ATP12A: variants seen among roughly 807,000 people sequenced by gnomAD.
ATP12A encodes ATPase H+/K+ transporting non-gastric alpha2 subunit, also known as potassium-transporting ATPase alpha chain 2.
A neutral mutation model predicts 111.2 loss-of-function variants in ATP12A; 81 were observed. The observed-to-expected ratio is 0.73, with a 90% CI of 0.61 to 0.88. The LOEUF is 0.88. Among genes scored for constraint, ATP12A ranks in the 40% least tolerant of loss-of-function variants. ATP12A has a pLI of 0.00. For synonymous variants in ATP12A, 498 were observed against 499.8 expected, an observed-to-expected ratio of 1.00 and a Z score of 0.05; for missense variants, 1,196 against 1,313.1, an observed-to-expected ratio of 0.91 and a Z score of 1.38.
At position 24,707,343 on chromosome 13, in the gene ATP12A, G is replaced by A. The variant is rs781512455; in HGVS notation, c.2403G>A (p.Glu801=). 2 of 1,614,224 alleles carry A rather than the reference G, an allele frequency of 1.2e-6. No homozygotes were observed. Among genetic ancestry groups the A allele is most frequent in the South Asian group, 2.2e-5 (2 of 91,086 alleles). Residue 801 remains glutamate, a synonymous_variant, in exon 17 of 23, where the codon GAG becomes GAA. Coordinates refer to ENST00000381946, the MANE Select transcript of ATP12A (RefSeq NM_001676.7). ...ATTCCCTGACCAAGAACATTGCCGA[G>A]CTGTGCCCCTTTCTGATCTACATCA... The part of the protein sequence containing the change: ...IAYSLTKNIA[E]LCPFLIYIIV...
chr13:24,684,176 G>A (rs551026298), intron 2 of ATP12A, among the ~76,000 whole-genome samples: 271 of 152,216 alleles, frequency 1.8e-3, no homozygotes, highest in Non-Finnish European at 3.2e-3. Context: ...AACTTAGTGG[G>A]TTGTGCTGTG....
At chr13:24,686,754 G>C (rs1437755875) in intron 3 of ATP12A, among the ~76,000 whole-genome samples, 3 of 146,460 alleles carry the variant, frequency 2.0e-5, no homozygotes, top group African/African-American at 7.7e-5. Context: ...AAGAAGGAAA[G>C]AAAGAAAGAA....
chr13:24,702,248 A>G, intron 14 of ATP12A, among the ~76,000 whole-genome samples, 177 bp downstream of exon 14: 1 of 152,250 alleles, frequency 6.6e-6, no homozygotes, highest in East Asian at 1.9e-4. Flanking sequence ...AGCAGCTAAT[A>G]TGTGCCAGGC....
At chr13:24,711,228 C>A in intron 21 of ATP12A, 90 bp from the exon 22 acceptor site, 1 of 1,232,432 alleles carries the variant, frequency 8.1e-7, no homozygotes, top group Non-Finnish European at 1.1e-6. Context: ...TAAAGCAAGA[C>A]AAATGAACGA....
intron 11 of ATP12A, among the ~76,000 whole-genome samples, chr13:24,697,605 A>C (rs1200859436): frequency 6.7e-6 from 1 of 148,448 alleles, no homozygotes; most frequent in African/African-American, 2.5e-5. Context: ...GTGCCACTGC[A>C]CTCCAGCCTG....
At chr13:24,710,636 C>T (rs758591112) in intron 20 of ATP12A, 43 bp downstream of exon 20, 18 of 1,612,486 alleles carry the variant, frequency 1.1e-5, no homozygotes, top group Admixed American at 3.3e-5. Context: ...CTGGGCCTGC[C>T]GTGCAAGGAT....
In ATP12A at chr13:24,711,410, G is replaced by A; in HGVS notation, c.3091+1G>A. ...CTCTTCATCAGGCTCTACCCTGGAAGTGAGTAGCCTATGATTTTAGAGGCT... is the reference window on the plus strand; with the variant it reads ...CTCTTCATCAGGCTCTACCCTGGAAATGAGTAGCCTATGATTTTAGAGGCT... On this transcript the variant is annotated splice_donor_variant, in intron 22 of 22. Transcript: ENST00000381946. LOFTEE classifies it high-confidence loss of function. 1 of 1,613,876 alleles carries A rather than the reference G, an allele frequency of 6.2e-7. No individual in the cohort carries two copies. The highest frequency in any genetic ancestry group is 8.5e-7 in the Non-Finnish European group (1 of 1,179,944).
intron 10 of ATP12A, among the ~76,000 whole-genome samples, chr13:24,693,384 G>T (rs934528408): frequency 5.3e-5 from 8 of 151,702 alleles, no homozygotes; most frequent in African/African-American, 1.9e-4. Flanking sequence ...CCATCTCAAT[G>T]AGTCACTGAA....
intron 10 of ATP12A, among the ~76,000 whole-genome samples, chr13:24,693,848 C>A (rs1875012569): frequency 6.6e-6 from 1 of 152,220 alleles, no homozygotes; most frequent in South Asian, 2.1e-4. Flanking sequence ...GTCAGCAGTA[C>A]CTTGCATCTA....
At chr13:24,681,495 AGG>A in intron 1 of ATP12A, 65 bp from the exon 2 acceptor site, 3 of 1,556,366 alleles carry the variant, frequency 1.9e-6, no homozygotes, top group Non-Finnish European at 2.6e-6. Flanking sequence ...GACCCCGCAG[AGG>A]GGCGCTCAGC....
At chr13:24,704,138 C>T (rs944015088) in intron 14 of ATP12A, among the ~76,000 whole-genome samples, 1 of 152,112 alleles carries the variant, frequency 6.6e-6, no homozygotes, top group African/African-American at 2.4e-5. Context: ...GCTGGGGTTA[C>T]AGGCATGTGC....
At chr13:24,694,726 A>T in intron 11 of ATP12A, 148 bp downstream of exon 11, 1 of 1,245,284 alleles carries the variant, frequency 8.0e-7, no homozygotes, top group Non-Finnish European at 1.1e-6. Context: ...CTGGTCCCCT[A>T]GGTCAAGCTC....
At chr13:24,708,874 A>G (rs1037058421) in intron 17 of ATP12A, among the ~76,000 whole-genome samples, 7 of 144,956 alleles carry the variant, frequency 4.8e-5, no homozygotes, top group African/African-American at 7.6e-5. Flanking sequence ...GAGAAAGAGA[A>G]AGAGAGAGAA....
chr13:24,700,666 G>T, intron 12 of ATP12A, 81 bp from the exon 13 acceptor site: 1 of 1,321,998 alleles, frequency 7.6e-7, no homozygotes, highest in Non-Finnish European at 1.0e-6. Flanking sequence ...AGAGGACCAA[G>T]GTGTATGAGC....
chr13:24,711,184 T>C, intron 21 of ATP12A, 134 bp from the exon 22 acceptor site: 1 of 868,042 alleles, frequency 1.2e-6, no homozygotes, highest in Non-Finnish European at 1.8e-6. Context: ...CACCTTTATT[T>C]TGTGGGACCT....
In ATP12A at chr13:24,692,850, A is replaced by G. The variant is rs1346442488; in HGVS notation, c.1331A>G (p.Asn444Ser). The change falls in exon 10 of 23, where the codon AAC (asparagine) becomes AGC (serine). Residue 444 changes from asparagine (N) to serine (S), a missense_variant. By Grantham distance (46) the Asn-to-Ser change is conservative. This residue lies in a region of ATP12A where 1,126 missense variants were observed against 1,228.5 expected (regional missense o/e 0.92). Transcript: ENST00000381946. Reference sequence around the variant, plus strand: ...TTATCCAAGATAATAACATTGTGTAACCGAGCAGAGTTCAAGCCAGGACAG... The same window carrying G: ...TTATCCAAGATAATAACATTGTGTAGCCGAGCAGAGTTCAAGCCAGGACAG... ...ASLSKIITLC[N>S]RAEFKPGQEN... is the part of the protein sequence containing the mutation. 2 of 1,614,204 alleles carry G rather than the reference A, an allele frequency of 1.2e-6. No individual in the cohort carries two copies. Among genetic ancestry groups the G allele is most frequent in the Non-Finnish European group, 8.5e-7 (1 of 1,180,040 alleles).
Position 24,690,481 on chromosome 13 carries a change from C to T in ATP12A, c.681+9C>T. ...CTTCTCAGGGGTGTCGGGTAAGCGG[C>T]AAGGGGTATCCACCCCAAGGACCAT... On this transcript the variant is annotated intron_variant, in intron 6 of 22. Transcript: ENST00000381946. 1 of 1,613,524 alleles carries T rather than the reference C, an allele frequency of 6.2e-7. No homozygotes were observed. The highest frequency in any genetic ancestry group is 8.5e-7 in the Non-Finnish European group (1 of 1,179,762).
chr13:24,681,049 G>C (rs938646767), intron 1 of ATP12A, among the ~76,000 whole-genome samples: 2 of 152,226 alleles, frequency 1.3e-5, no homozygotes, highest in African/African-American at 4.8e-5. Flanking sequence ...CCGACTCGGA[G>C]GATGGGGTGA....
In ATP12A at chr13:24,709,709, C is replaced by G. The variant is rs894416828; in HGVS notation, c.2644C>G (p.Leu882Val). The change falls in exon 19 of 23, where the codon CTT (leucine) becomes GTT (valine). Residue 882 changes from leucine to valine, a missense_variant. Leu to Val is a conservative substitution (Grantham distance 32). This residue lies in a region of ATP12A where 1,126 missense variants were observed against 1,228.5 expected (regional missense o/e 0.92). Transcript: ENST00000381946. ...CCTCATGCAAGCCCTGGGAGCTTTC[C>G]TTGTGTATTTCACCGTCTATGCACA... ...IGLMQALGAF[L>V]VYFTVYAQEG... The G allele has an allele frequency of 6.2e-7, 1 of 1,614,228 alleles. No individual in the cohort carries two copies. The highest frequency in any genetic ancestry group is 8.5e-7 in the Non-Finnish European group (1 of 1,180,034).
Sources: gnomAD v4.1 joint callset for allele counts (sites outside exome capture counted in the v4.1 genomes callset) on GRCh38, gnomAD v4.1.1 for gene constraint, gnomAD v4.1.1 regional missense constraint, MANE v1.5 for transcripts, NCBI Gene and HGNC (gene_info 2026-07-23, HGNC 2026-07-21) for gene names.